Variants in IFT140 observed in about 807,000 individuals in gnomAD.
IFT140 encodes intraflagellar transport protein 140 homolog.
A neutral mutation model predicts 164.6 loss-of-function variants in IFT140; 133 were observed. That is an observed-to-expected ratio of 0.81 (90% CI 0.70 to 0.93). The LOEUF is 0.93. Among genes scored for constraint, IFT140 ranks in the 40% least tolerant of loss-of-function variants. The pLI, the probability that IFT140 is intolerant of heterozygous loss-of-function variation, is 0.00. For synonymous variants in IFT140, 860 were observed against 817.3 expected, an observed-to-expected ratio of 1.05 and a Z score of -0.89; for missense variants, 2,045 against 1,972.3, an observed-to-expected ratio of 1.04 and a Z score of -0.70.
intron 19 of IFT140, chr16:1,542,054 G>A: frequency 1.2e-6 from 2 of 1,609,508 alleles, no homozygotes; most frequent in Middle Eastern, 1.7e-4. Context: ...AGGAGGCCAT[G>A]GCCGCTGCAT....
chr16:1,588,831 C>G (rs952938504), intron 7 of IFT140, among the ~76,000 whole-genome samples: 1 of 152,094 alleles, frequency 6.6e-6, no homozygotes, highest in Non-Finnish European at 1.5e-5. Context: ...TCAGGAGGTA[C>G]TTAAGGTTAA....
At chr16:1,565,044 C>T (rs370958300) in intron 16 of IFT140, among the ~76,000 whole-genome samples, 61 of 152,094 alleles carry the variant, frequency 4.0e-4, no homozygotes, top group African/African-American at 1.4e-3. Context: ...TGGTACGGGA[C>T]GGGAACGGAC....
chr16:1,609,566 T>A (rs966669701), intron 2 of IFT140, among the ~76,000 whole-genome samples: 2 of 152,194 alleles, frequency 1.3e-5, no homozygotes, highest in Non-Finnish European at 2.9e-5. Context: ...CTTACAACAG[T>A]GCCTTGCACA....
intron 13 of IFT140, among the ~76,000 whole-genome samples, chr16:1,574,235 T>C (rs2034158437): frequency 6.6e-6 from 1 of 152,168 alleles, no homozygotes; most frequent in Admixed American, 6.6e-5. Flanking sequence ...GGCTGAGTTT[T>C]CTGGGCAGCT....
chr16:1,569,003 G>GT (rs58205807), intron 14 of IFT140, among the ~76,000 whole-genome samples: 2,031 of 126,270 alleles, frequency 0.016, 31 homozygotes, highest in Non-Finnish European at 0.024. Flanking sequence ...GTGGTAGCTT[G>GT]TTTTTTTTTT....
chr16:1,592,478 G>T lies in IFT140; in HGVS notation c.480C>A (p.Pro160=). ...KHLTHCIFRL[P]PPGEDLVQLA... is the part of the protein sequence containing the mutation. ...AGCCCCACACTTACTCGCCAGGAGG[G>T]GGGAGCCGGAAGATGCAGTGCGTGA... Residue 160 remains proline, a synonymous_variant, in exon 5 of 31, where the codon CCC becomes CCA. Coordinates refer to ENST00000426508, the MANE Select transcript of IFT140 (RefSeq NM_014714.4). 6.2e-7 allele frequency: 1 copy of T among 1,614,194 alleles called. No individual in the cohort carries two copies. The highest frequency in any genetic ancestry group is 8.5e-7 in the Non-Finnish European group (1 of 1,180,004).
intron 19 of IFT140, among the ~76,000 whole-genome samples, chr16:1,528,496 TAC>T (rs956131996): frequency 9.7e-5 from 14 of 143,816 alleles, no homozygotes; most frequent in African/African-American, 1.3e-4. Context: ...TGCACTCACA[TAC>T]ACACACATGC....
intron 19 of IFT140, among the ~76,000 whole-genome samples, chr16:1,554,385 TGGGGGGCTAGGAAAG>T (rs1026585800): frequency 6.6e-6 from 1 of 152,206 alleles, no homozygotes; most frequent in Middle Eastern, 3.2e-3. Flanking sequence ...CTGCTGAGTC[TGGGGGGCTAGGAAAG>T]GCCCCCCCAA....
intron 19 of IFT140, among the ~76,000 whole-genome samples, chr16:1,539,799 C>T (rs1023597502): frequency 2.0e-5 from 3 of 152,198 alleles, no homozygotes; most frequent in East Asian, 1.9e-4. Flanking sequence ...TCCGCTCTCC[C>T]CCTTGCCAGC....
At chr16:1,601,004 T>C (rs2142025390) in intron 4 of IFT140, among the ~76,000 whole-genome samples, 1 of 152,102 alleles carries the variant, frequency 6.6e-6, no homozygotes, top group Non-Finnish European at 1.5e-5. Flanking sequence ...AGCTCACACC[T>C]GTAATCCCAG....
intron 16 of IFT140, among the ~76,000 whole-genome samples, chr16:1,565,826 G>A (rs1329835574): frequency 6.6e-6 from 1 of 152,176 alleles, no homozygotes; most frequent in Non-Finnish European, 1.5e-5. Context: ...ACAGGCAAAT[G>A]CCCCCCTACA....
In IFT140 at chr16:1,558,099, A is replaced by G; in HGVS notation, c.2235T>C (p.Pro745=). 7 of 1,614,138 alleles carry G rather than the reference A, an allele frequency of 4.3e-6. No individual in the cohort carries two copies. Among genetic ancestry groups the G allele is most frequent in the Non-Finnish European group, 5.9e-6 (7 of 1,180,028 alleles). Reference sequence around the variant, plus strand: ...CCATCTGAGGGATGTGGTGGCACCCAGGCTCCACCTCGTCTTCTCTGTCTG... The same window carrying G: ...CCATCTGAGGGATGTGGTGGCACCCGGGCTCCACCTCGTCTTCTCTGTCTG... ...EEADREDEVE[P]GCHHIPQMVS... is the part of the protein sequence containing the mutation. Residue 745 remains proline, a synonymous_variant, in exon 19 of 31, where the codon CCT becomes CCC. Transcript: ENST00000426508.
intron 26 of IFT140, among the ~76,000 whole-genome samples, chr16:1,522,716 T>C (rs573241277): frequency 6.6e-6 from 1 of 152,236 alleles, no homozygotes; most frequent in African/African-American, 2.4e-5. Context: ...CAGGCACCTG[T>C]AGTCCCTGCT....
rs1049876052 is a variant in IFT140 at position 1,583,848 on chromosome 16, G to A, written c.1359+369C>T. Reference sequence around the variant, plus strand: ...CAACCTCCACCTCCTGGGTTCAAGCGATTCTCCTGCCTCAGCCTCCCAGGT... The same window carrying A: ...CAACCTCCACCTCCTGGGTTCAAGCAATTCTCCTGCCTCAGCCTCCCAGGT... On this transcript the variant is annotated intron_variant, in intron 11 of 30. Coordinates refer to ENST00000426508, the MANE Select transcript of IFT140 (RefSeq NM_014714.4). Among the ~76,000 whole-genome samples the A allele has an allele frequency of 2.6e-5, 4 of 151,996 alleles. No individual in the cohort carries two copies. The East Asian group carries it at 5.8e-4, about 22-fold the overall frequency.
intron 11 of IFT140, 149 bp downstream of exon 11, chr16:1,584,068 A>G: frequency 3.1e-6 from 2 of 651,386 alleles, no homozygotes; most frequent in Non-Finnish European, 5.3e-6. Flanking sequence ...TATGAATATA[A>G]TGTACATGGA....
intron 13 of IFT140, among the ~76,000 whole-genome samples, chr16:1,575,299 C>CAG (rs1356009337): frequency 6.6e-6 from 1 of 151,974 alleles, no homozygotes; most frequent in Non-Finnish European, 1.5e-5. Flanking sequence ...GAATTGACCC[C>CAG]AGGAGTTTGA....
rs373863549 is a variant in IFT140 at position 1,571,549 on chromosome 16, C to T, written c.1525-15G>A. 1.2e-6 allele frequency: 2 copies of T among 1,606,430 alleles called. No individual in the cohort carries two copies. Among genetic ancestry groups the T allele is most frequent in the Non-Finnish European group, 1.7e-6 (2 of 1,177,352 alleles). ...TTGACAGTCCCCTGAGGAAAAGGAA[C>T]AAGAAATGGATATATTTCATGTTAG... On this transcript the variant is annotated splice_polypyrimidine_tract_variant and intron_variant, in intron 13 of 30. Transcript: ENST00000426508.
chr16:1,557,853 G>A (rs2033185271), intron 19 of IFT140, 82 bp downstream of exon 19: 23 of 1,377,894 alleles, frequency 1.7e-5, no homozygotes, highest in Middle Eastern at 2.5e-4. Context: ...TTCAACAGGC[G>A]AACCAAGAAG....
intron 2 of IFT140, among the ~76,000 whole-genome samples, chr16:1,609,002 A>C (rs1210332975): frequency 6.6e-6 from 1 of 152,162 alleles, no homozygotes; most frequent in Admixed American, 6.5e-5. Context: ...AAAAAATACA[A>C]AAATTAGCTG....
Sources: allele counts gnomAD v4.1 joint callset (sites outside exome capture counted in the v4.1 genomes callset), GRCh38; gene constraint gnomAD v4.1.1; transcripts MANE v1.5; gene names NCBI Gene and HGNC (gene_info 2026-07-23, HGNC 2026-07-21).